Variants in ASCC3 observed in about 807,000 individuals in gnomAD.
ASCC3 encodes the protein ASC-1 complex subunit P200.
ASCC3 carries 158 observed loss-of-function variants against 256.3 expected under a neutral mutation model. The observed-to-expected ratio is 0.62, with a 90% CI of 0.54 to 0.70. The LOEUF is 0.70. Among genes scored for constraint, ASCC3 ranks in the 30% least tolerant of loss-of-function variants. ASCC3 has a pLI of 0.00. For missense variants in ASCC3, 2,259 were observed against 2,626.0 expected (o/e 0.86, Z 3.05); for synonymous variants, 948 against 883.4 (o/e 1.07, Z -1.30).
chr6:100,815,866 G>A (rs1181180178), intron 4 of ASCC3, among the ~76,000 whole-genome samples: 1 of 152,006 alleles, frequency 6.6e-6, no homozygotes, highest in African/African-American at 2.4e-5. Flanking sequence ...AATGAGCAAA[G>A]ATTTCATGAT....
At chr6:100,734,559 T>C (rs551078869) in intron 10 of ASCC3, among the ~76,000 whole-genome samples, 1 of 152,188 alleles carries the variant, frequency 6.6e-6, no homozygotes, top group East Asian at 1.9e-4. Flanking sequence ...ACTTACCTTT[T>C]AGGTTTCTTG....
rs759997878 is a variant in ASCC3, at chr6:100,662,554, G to A, written c.2287-18C>T. 30 of 1,610,024 alleles carry A rather than the reference G, an allele frequency of 1.9e-5. No homozygotes were observed. Among genetic ancestry groups the A allele is most frequent in the South Asian group, 3.3e-5 (3 of 90,986 alleles). ...CTTTGTACCTAGATACCAAGAAAGC[G>A]TAAGAGTATTATTTAGCATTTAAAA... On this transcript the variant is annotated intron_variant, in intron 14 of 41. Transcript: ENST00000369162.
At chr6:100,573,589 T>A (rs1195030685) in intron 36 of ASCC3, among the ~76,000 whole-genome samples, 1 of 152,148 alleles carries the variant, frequency 6.6e-6, no homozygotes, top group Non-Finnish European at 1.5e-5. Flanking sequence ...GAGAGGTGGT[T>A]AAAATTTGGG....
intron 8 of ASCC3, among the ~76,000 whole-genome samples, chr6:100,770,083 C>T (rs1379687140): frequency 6.6e-6 from 1 of 151,746 alleles, no homozygotes; most frequent in Non-Finnish European, 1.5e-5. Context: ...AAGGAATACT[C>T]CCCAAATCAT....
chr6:100,733,057 A>G, intron 10 of ASCC3, among the ~76,000 whole-genome samples: 1 of 152,342 alleles, frequency 6.6e-6, no homozygotes, highest in East Asian at 1.9e-4. Context: ...AAAGTGATAA[A>G]AGAGAAAAGC....
chr6:100,752,946 C>T (rs1013983986), intron 10 of ASCC3, among the ~76,000 whole-genome samples: 2 of 152,028 alleles, frequency 1.3e-5, no homozygotes, highest in Non-Finnish European at 2.9e-5. Flanking sequence ...TATTTATCTG[C>T]TTATTTTCCT....
intron 4 of ASCC3, among the ~76,000 whole-genome samples, chr6:100,809,563 G>T (rs1165402435): frequency 1.3e-5 from 2 of 151,958 alleles, no homozygotes; most frequent in Non-Finnish European, 2.9e-5. Flanking sequence ...TACTTGAAGA[G>T]TTTCTCAGTT....
rs151307981 is a variant in ASCC3, at chr6:100,805,783, T to C, written c.899A>G (p.Asp300Gly). ...IVDRFLNSSNDHRFQALQDNC... is the reference protein window; with the variant it reads ...IVDRFLNSSNGHRFQALQDNC... Reference sequence around the variant, plus strand: ...ACCTTGAAGAGCCTGAAACCTATGATCATTTGAAGAATTAAGAAATCTATC... The same window carrying C: ...ACCTTGAAGAGCCTGAAACCTATGACCATTTGAAGAATTAAGAAATCTATC... Residue 300 changes from aspartate (D) to glycine (G), a missense_variant, in exon 5 of 42, where the codon GAT (aspartate) becomes GGT (glycine). Around this residue, in one of 2 missense-constraint regions of ASCC3, gnomAD observed 420 missense variants for 419.3 expected, o/e 1.00. Transcript: ENST00000369162. 1,361 of 1,611,270 alleles carry C rather than the reference T, an allele frequency of 8.4e-4. 6 individuals carry two copies. In the African/African-American group the frequency reaches 0.017, roughly 20 times the overall value.
At chr6:100,648,555 T>C (rs1775501472) in intron 20 of ASCC3, among the ~76,000 whole-genome samples, 1 of 152,018 alleles carries the variant, frequency 6.6e-6, no homozygotes, top group African/African-American at 2.4e-5. Context: ...ACTATTTTGT[T>C]TCAGTATTAG....
At chr6:100,632,182 T>TA (rs35229827) in intron 25 of ASCC3, among the ~76,000 whole-genome samples, 2,156 of 101,968 alleles carry the variant, frequency 0.021, 30 homozygotes, top group African/African-American at 0.032. Flanking sequence ...GCAAACTATC[T>TA]AAAAAAAAAA....
At chr6:100,805,716 GAATATTTCCTTTAAATTAC>G (rs778943554) in intron 5 of ASCC3, 25 bp downstream of exon 5, 2 of 1,596,128 alleles carry the variant, frequency 1.3e-6, no homozygotes, top group Non-Finnish European at 1.7e-6. Flanking sequence ...GCTAACCAAT[GAATATTTCCTTTAAATTAC>G]AATGACCACT....
rs1562208222 is a variant in ASCC3, at chr6:100,662,542, T to C, written c.2287-6A>G. ...TTATTTCTCGACCTTTGTACCTAGA[T>C]ACCAAGAAAGCGTAAGAGTATTATT... is the stretch of plus-strand genomic sequence containing the variant. On this transcript the variant is annotated splice_region_variant and splice_polypyrimidine_tract_variant and intron_variant, in intron 14 of 41. Coordinates refer to ENST00000369162, the MANE Select transcript of ASCC3 (RefSeq NM_006828.4). The C allele has an allele frequency of 6.2e-7, 1 of 1,612,364 alleles. No homozygotes were observed. Among genetic ancestry groups the C allele is most frequent in the East Asian group, 2.2e-5 (1 of 44,808 alleles).
chr6:100,724,103 C>G (rs1290314362), intron 11 of ASCC3, among the ~76,000 whole-genome samples: 2 of 138,432 alleles, frequency 1.4e-5, no homozygotes, highest in South Asian at 2.3e-4. Flanking sequence ...AGATTGAGAA[C>G]AGGGAAGAAG....
At chr6:100,785,193 C>T (rs773092622) in intron 8 of ASCC3, among the ~76,000 whole-genome samples, 9 of 151,972 alleles carry the variant, frequency 5.9e-5, no homozygotes, top group Non-Finnish European at 8.8e-5. Flanking sequence ...AAAAGAGTAA[C>T]CTAATATTAA....
At chr6:100,593,750 T>C (rs1772125199) in intron 34 of ASCC3, among the ~76,000 whole-genome samples, 1 of 152,078 alleles carries the variant, frequency 6.6e-6, no homozygotes, top group African/African-American at 2.4e-5. Context: ...ATGACACAAA[T>C]AGCGAAAGTG....
chr6:100,650,123 A>G (rs1221442912), intron 20 of ASCC3, among the ~76,000 whole-genome samples: 1 of 151,646 alleles, frequency 6.6e-6, no homozygotes, highest in Non-Finnish European at 1.5e-5. Context: ...GATTAAAAAT[A>G]TTATTATTTC....
chr6:100,548,456 A>G (rs1769107187), intron 36 of ASCC3, among the ~76,000 whole-genome samples: 1 of 151,992 alleles, frequency 6.6e-6, no homozygotes, highest in Admixed American at 6.6e-5. Flanking sequence ...AGACTATATT[A>G]ATAGGAAACT....
At position 100,858,893 on chromosome 6, in the gene ASCC3, A is replaced by G. The variant is rs567738790; in HGVS notation, c.241+5171T>C. The G allele has an allele frequency of 6.8e-5, 36 of 527,484 alleles. No homozygotes were observed. In the South Asian group the frequency reaches 7.6e-4, roughly 11 times the overall value. The allele number at this position is 527,484 out of a possible 1,614,324, so 32.7% of individuals were successfully genotyped here. ...CTGATTCAAGAGTCAATCAAGGATC[A>G]TACATTACATTTTGATTATTATATG... is the stretch of plus-strand genomic sequence containing the variant. On this transcript the variant is annotated intron_variant, in intron 3 of 41. Transcript: ENST00000369162.
chr6:100,855,534 A>T (rs1169970132), intron 3 of ASCC3, among the ~76,000 whole-genome samples: 1 of 152,226 alleles, frequency 6.6e-6, no homozygotes, highest in Non-Finnish European at 1.5e-5. Context: ...CCAGCTTTTT[A>T]AAATTTCTCT....
Sources: allele counts gnomAD v4.1 joint callset (sites outside exome capture counted in the v4.1 genomes callset), GRCh38; gene constraint gnomAD v4.1.1; regional missense constraint gnomAD v4.1.1; transcripts MANE v1.5; gene names NCBI Gene and HGNC (gene_info 2026-07-23, HGNC 2026-07-21).